ABHD12B: variants seen among roughly 807,000 people sequenced by gnomAD.
ABHD12B encodes protein ABHD12B.
A neutral mutation model predicts 50.4 loss-of-function variants in ABHD12B; 42 were observed. The observed-to-expected ratio is 0.83, with a 90% confidence interval of 0.65 to 1.08. The LOEUF (loss-of-function observed/expected upper bound fraction) is 1.08, where lower values mean the gene tolerates loss of function less well. Ranked by LOEUF, ABHD12B falls within the 50% of genes least tolerant of loss-of-function variation. The probability of loss-of-function intolerance (pLI) is 0.00; values close to 1 mark genes in which losing one functional copy is unlikely to be tolerated. For synonymous variants in ABHD12B, 167 were observed against 160.3 expected, an observed-to-expected ratio of 1.04 and a Z score of -0.32; for missense variants, 479 against 447.7, an observed-to-expected ratio of 1.07 and a Z score of -0.63.
chr14:50,904,792 C>T lies in ABHD12B; in HGVS notation c.*426C>T, dbSNP rs2050309708. ...AGCTCTGATGAATGAGATTAGTGCC[C>T]TTATAAATTATGACCAAAAGAGCTC... On this transcript the variant is annotated 3_prime_UTR_variant, in exon 13 of 13. Coordinates refer to ENST00000337334, the MANE Select transcript of ABHD12B (RefSeq NM_001206673.2). The T allele has an allele frequency of 4.1e-6, 1 of 245,758 alleles. No homozygotes were observed. 15.2% of individuals were successfully genotyped at this position (245,758 alleles called of 1,614,324 possible). A position where few individuals can be genotyped will look rare whatever the true frequency, so the allele number is the denominator to read the frequency against.
In ABHD12B at chr14:50,878,790, T is replaced by C; in HGVS notation, c.278T>C (p.Ile93Thr). ...LVDLKKPELKIPHTVNFYLRV... is the reference protein window; with the variant it reads ...LVDLKKPELKTPHTVNFYLRV... Reference sequence around the variant, plus strand: ...GATTTAAAGAAACCAGAGTTAAAGATTCCTCACACAGTGAACTTCTACCTG... The same window carrying C: ...GATTTAAAGAAACCAGAGTTAAAGACTCCTCACACAGTGAACTTCTACCTG... Residue 93 changes from isoleucine (I) to threonine (T), a missense_variant, in exon 3 of 13, where the codon ATT becomes ACT. By Grantham distance (89) the Ile-to-Thr change is moderately conservative. Coordinates refer to ENST00000337334, the MANE Select transcript of ABHD12B (RefSeq NM_001206673.2). 1 of 1,614,042 alleles carries C rather than the reference T, an allele frequency of 6.2e-7. No homozygotes were observed. The highest frequency in any genetic ancestry group is 2.2e-5 in the East Asian group (1 of 44,890).
chr14:50,898,982 C>A (rs1203477273), intron 9 of ABHD12B, among the ~76,000 whole-genome samples: 2 of 152,202 alleles, frequency 1.3e-5, no homozygotes, highest in Non-Finnish European at 1.5e-5. Context: ...CACCTGAGGT[C>A]AGGAGTTCAA....
chr14:50,872,331 G>C lies in ABHD12B; in HGVS notation c.104+53G>C, dbSNP rs757049135. 4 of 1,207,732 alleles carry C rather than the reference G, an allele frequency of 3.3e-6. No individual in the cohort carries two copies. In the African/African-American group the frequency reaches 4.7e-5, roughly 14 times the overall value. 74.8% of individuals were successfully genotyped at this position (1,207,732 alleles called of 1,614,324 possible). A position where few individuals can be genotyped will look rare whatever the true frequency, so the allele number is the denominator to read the frequency against. On this transcript the variant is annotated intron_variant, in intron 1 of 12. Transcript: ENST00000337334. Reference sequence around the variant, plus strand: ...CGGGCCCCGACGGCTCAGGCTGCGCGGGGATGGGGCAGGGGGCCAGGGCGC... The same window carrying C: ...CGGGCCCCGACGGCTCAGGCTGCGCCGGGATGGGGCAGGGGGCCAGGGCGC...
At chr14:50,897,588 C>T (rs568121104) in intron 9 of ABHD12B, among the ~76,000 whole-genome samples, 4 of 152,274 alleles carry the variant, frequency 2.6e-5, no homozygotes, top group African/African-American at 4.8e-5. Context: ...GGGATTTCTA[C>T]GGGTCTCTTT....
intron 8 of ABHD12B, among the ~76,000 whole-genome samples, chr14:50,887,384 G>A (rs1021043027): frequency 6.6e-5 from 10 of 151,728 alleles, no homozygotes; most frequent in African/African-American, 1.9e-4. Flanking sequence ...CAGAATCTTC[G>A]ACCCTAGCTG....
chr14:50,896,552 C>G (rs547327707), intron 9 of ABHD12B, among the ~76,000 whole-genome samples: 1 of 149,830 alleles, frequency 6.7e-6, no homozygotes, highest in East Asian at 2.1e-4. Context: ...CCTGCCCCAC[C>G]TTAACTGAGT....
rs756826104 is a variant in ABHD12B at position 50,903,388 on chromosome 14, G to A, written c.864-1G>A. ...AATGCTTTTCTTCTACTTGTCCCTAGTGTTAAATTCCTTTCTTCTCCTCTT... is the reference window on the plus strand; with the variant it reads ...AATGCTTTTCTTCTACTTGTCCCTAATGTTAAATTCCTTTCTTCTCCTCTT... On this transcript the variant is annotated splice_acceptor_variant, in intron 10 of 12. Coordinates refer to ENST00000337334, the MANE Select transcript of ABHD12B (RefSeq NM_001206673.2). LOFTEE classifies it high-confidence loss of function. 2.1e-5 allele frequency: 34 copies of A among 1,608,594 alleles called. No individual in the cohort carries two copies. Among genetic ancestry groups the A allele is most frequent in the Admixed American group, 5.0e-5 (3 of 59,674 alleles).
At chr14:50,872,301 CT>C in intron 1 of ABHD12B, 23 bp downstream of exon 1, 1 of 1,273,904 alleles carries the variant, frequency 7.8e-7, no homozygotes, top group Non-Finnish European at 9.9e-7. Flanking sequence ...CGGTCCACCC[CT>C]GGCCGGGCCC....
chr14:50,876,984 C>G (rs1052367958), intron 1 of ABHD12B, among the ~76,000 whole-genome samples: 1 of 152,182 alleles, frequency 6.6e-6, no homozygotes, highest in Non-Finnish European at 1.5e-5. Flanking sequence ...AAGACCCTCA[C>G]AAGAGAGGTG....
chr14:50,892,790 A>T (rs2050136737), intron 9 of ABHD12B: 1 of 184,480 alleles, frequency 5.4e-6, no homozygotes, highest in Non-Finnish European at 1.0e-5. Context: ...GGCATACTTC[A>T]CCTAAACCAC....
chr14:50,881,563 C>CTTTTTTTTTTTTTTTT, intron 4 of ABHD12B, 33 bp from the exon 5 acceptor site: 1 of 1,411,194 alleles, frequency 7.1e-7, no homozygotes, highest in African/African-American at 1.5e-5. Flanking sequence ...CTAATTCTTG[C>CTTTTTTTTTTTTTTTT]TTTTTTTTTT....
chr14:50,874,221 CA>C (rs2049827817), intron 1 of ABHD12B, among the ~76,000 whole-genome samples: 1 of 152,236 alleles, frequency 6.6e-6, no homozygotes, highest in African/African-American at 2.4e-5. Context: ...ATTTATTTTA[CA>C]AAAATTTTTA....
intron 5 of ABHD12B, among the ~76,000 whole-genome samples, chr14:50,882,525 T>C (rs879825953): frequency 3.2e-4 from 48 of 151,390 alleles, no homozygotes; most frequent in Non-Finnish European, 6.5e-4. Flanking sequence ...TACAGGCACC[T>C]GCCACCACGC....
intron 9 of ABHD12B, chr14:50,891,180 G>A (rs1035866682): frequency 4.6e-5 from 7 of 151,900 alleles, no homozygotes; most frequent in African/African-American, 1.7e-4. Context: ...TATTTTTATT[G>A]TAAATATATT....
At chr14:50,882,372 G>GTTTTTTTTTT (rs1486684470) in intron 5 of ABHD12B, among the ~76,000 whole-genome samples, 1 of 41,624 alleles carries the variant, frequency 2.4e-5, no homozygotes, top group African/African-American at 8.8e-5. Flanking sequence ...CAGAATGTCT[G>GTTTTTTTTTT]CTTTTTTTTT....
chr14:50,877,170 C>T (rs2049875036), intron 1 of ABHD12B, among the ~76,000 whole-genome samples: 1 of 152,210 alleles, frequency 6.6e-6, no homozygotes, highest in Admixed American at 6.5e-5. Flanking sequence ...CCATCTCTTC[C>T]AGGGATCTCA....
chr14:50,882,342 G>A (rs1253319017), intron 5 of ABHD12B, among the ~76,000 whole-genome samples: 4 of 147,254 alleles, frequency 2.7e-5, no homozygotes, highest in African/African-American at 1.0e-4. Flanking sequence ...TTAATTTCTA[G>A]TGGTTATAGG....
At chr14:50,886,032 G>C (rs1408800689) in intron 7 of ABHD12B, 137 bp downstream of exon 7, 5 of 1,277,602 alleles carry the variant, frequency 3.9e-6, no homozygotes, top group Non-Finnish European at 5.4e-6. Flanking sequence ...CACACTAGAA[G>C]TGGCTGAAGA....
chr14:50,881,564 T>TTC, intron 4 of ABHD12B, 32 bp from the exon 5 acceptor site: 1 of 1,164,110 alleles, frequency 8.6e-7, no homozygotes, highest in Non-Finnish European at 1.1e-6. Flanking sequence ...TAATTCTTGC[T>TTC]TTTTTTTTTT....
Sources: gnomAD v4.1 joint callset for allele counts (sites outside exome capture counted in the v4.1 genomes callset) on GRCh38, gnomAD v4.1.1 for gene constraint, MANE v1.5 for transcripts, NCBI Gene and HGNC (gene_info 2026-07-23, HGNC 2026-07-21) for gene names.